Variants in NUMB observed in about 807,000 individuals in gnomAD.
The protein encoded by NUMB is NUMB endocytic adaptor protein.
NUMB carries 29 observed loss-of-function variants against 59.7 expected under a neutral mutation model. That is an observed-to-expected ratio of 0.49 (90% CI 0.36 to 0.66). NUMB has a LOEUF of 0.66. Among genes scored for constraint, NUMB ranks in the 30% least tolerant of loss-of-function variants. The pLI is 0.00. For missense variants in NUMB, 723 were observed against 822.0 expected (o/e 0.88, Z 1.47); for synonymous variants, 288 against 288.2 (o/e 1.00, Z 0.01).
At chr14:73,292,649 G>A in intron 8 of NUMB, 85 bp downstream of exon 8, 2 of 1,396,128 alleles carry the variant, frequency 1.4e-6, no homozygotes, top group Non-Finnish European at 2.0e-6. Flanking sequence ...TAAAAATGTA[G>A]TAGAAACCGC....
At chr14:73,324,388 T>G (rs1355181713) in intron 4 of NUMB, among the ~76,000 whole-genome samples, 1 of 152,180 alleles carries the variant, frequency 6.6e-6, no homozygotes, top group Non-Finnish European at 1.5e-5. Context: ...GAGACTCTTA[T>G]GTACAAACAC....
chr14:73,434,571 G>C (rs1260175363), intron 1 of NUMB, among the ~76,000 whole-genome samples: 1 of 152,084 alleles, frequency 6.6e-6, no homozygotes, highest in African/African-American at 2.4e-5. Context: ...ATCAAATTCA[G>C]AAAGTACCTC....
intron 8 of NUMB, 75 bp downstream of exon 8, chr14:73,292,659 C>T: frequency 6.7e-7 from 1 of 1,502,626 alleles, no homozygotes. Context: ...GTAGAAACCG[C>T]TTGGCTGAGC....
At chr14:73,414,886 A>AT (rs1194158806) in intron 1 of NUMB, among the ~76,000 whole-genome samples, 4 of 151,882 alleles carry the variant, frequency 2.6e-5, no homozygotes, top group Non-Finnish European at 5.9e-5. Flanking sequence ...CGCCCAGCTA[A>AT]TTTTTTTGTA....
At chr14:73,379,952 T>A (rs1895149517) in intron 2 of NUMB, among the ~76,000 whole-genome samples, 1 of 152,208 alleles carries the variant, frequency 6.6e-6, no homozygotes, top group Non-Finnish European at 1.5e-5. Context: ...GATTTATGTT[T>A]TTTAAGAATC....
At chr14:73,448,334 T>C (rs1883682706) in intron 1 of NUMB, among the ~76,000 whole-genome samples, 1 of 152,194 alleles carries the variant, frequency 6.6e-6, no homozygotes, top group Admixed American at 6.5e-5. Context: ...AGACAATAAA[T>C]AATATAGCTT....
chr14:73,431,610 A>G (rs1167990894), intron 1 of NUMB, among the ~76,000 whole-genome samples: 2 of 149,550 alleles, frequency 1.3e-5, no homozygotes, highest in Admixed American at 1.3e-4. Context: ...TTAGGCGGGC[A>G]TGGTGGCATG....
chr14:73,279,959 C>T (rs1283155395), intron 11 of NUMB, among the ~76,000 whole-genome samples: 1 of 152,178 alleles, frequency 6.6e-6, no homozygotes, highest in East Asian at 1.9e-4. Context: ...GAGTTCGAGA[C>T]CAGCCTGGCC....
At chr14:73,321,186 A>G (rs1891383735) in intron 5 of NUMB, among the ~76,000 whole-genome samples, 1 of 152,198 alleles carries the variant, frequency 6.6e-6, no homozygotes, top group South Asian at 2.1e-4. Context: ...CAGAGTGCAC[A>G]TGAAGTCATA....
At chr14:73,343,572 T>A (rs1394337708) in intron 4 of NUMB, among the ~76,000 whole-genome samples, 1 of 152,214 alleles carries the variant, frequency 6.6e-6, no homozygotes, top group Non-Finnish European at 1.5e-5. Context: ...CTTGGGCATT[T>A]TATTCTAATC....
chr14:73,411,936 T>C (rs1896912667), intron 1 of NUMB, among the ~76,000 whole-genome samples: 2 of 149,640 alleles, frequency 1.3e-5, no homozygotes, highest in African/African-American at 4.9e-5. Context: ...TTTTTTTTTT[T>C]TTTTTTGAGA....
chr14:73,329,124 TC>T (rs1891818531), intron 4 of NUMB, among the ~76,000 whole-genome samples: 2 of 152,224 alleles, frequency 1.3e-5, no homozygotes, highest in South Asian at 4.1e-4. Context: ...CGCCTCGGCC[TC>T]CCAAAGTGCT....
At chr14:73,282,106 C>T (rs748724176) in intron 11 of NUMB, 1 of 403,550 alleles carries the variant, frequency 2.5e-6, no homozygotes, top group Non-Finnish European at 4.5e-6. Context: ...TAGGTTGGGA[C>T]TACAGAAATT....
intron 6 of NUMB, among the ~76,000 whole-genome samples, chr14:73,311,757 G>A (rs927666548): frequency 6.6e-6 from 1 of 152,086 alleles, no homozygotes; most frequent in Non-Finnish European, 1.5e-5. Context: ...AATTTATGAG[G>A]AACTGTACTG....
chr14:73,380,123 G>A (rs573340528), intron 2 of NUMB, among the ~76,000 whole-genome samples: 16 of 152,270 alleles, frequency 1.1e-4, no homozygotes, highest in African/African-American at 3.4e-4. Flanking sequence ...CCAGCTCCAG[G>A]AGAAACCGCA....
rs549364703 is a variant in NUMB at position 73,276,360 on chromosome 14, T to A, written c.*218A>T. Reference sequence around the variant, plus strand: ...TACAGAAAGCAACATTTCCTTGACTTCTTTAGCCTAATTGCAAGGCAGCTT... The same window carrying A: ...TACAGAAAGCAACATTTCCTTGACTACTTTAGCCTAATTGCAAGGCAGCTT... On this transcript the variant is annotated 3_prime_UTR_variant, in exon 13 of 13. Coordinates refer to ENST00000555238, the MANE Select transcript of NUMB (RefSeq NM_001005743.2). 8.9e-5 allele frequency: 46 copies of A among 515,838 alleles called. 1 individual carries two copies. The South Asian group carries it at 1.1e-3, about 13-fold the overall frequency. The allele number at this position is 515,838 out of a possible 1,614,324, so 32.0% of individuals were successfully genotyped here.
intron 1 of NUMB, among the ~76,000 whole-genome samples, chr14:73,429,114 G>A (rs888238114): frequency 6.6e-6 from 1 of 152,224 alleles, no homozygotes; most frequent in South Asian, 2.1e-4. Context: ...GCTCACGCCT[G>A]TAATCCCAGC....
At chr14:73,284,395 G>C in intron 9 of NUMB, 21 bp from the exon 10 acceptor site, 1 of 1,598,570 alleles carries the variant, frequency 6.3e-7, no homozygotes, top group East Asian at 2.2e-5. Context: ...TAAAGAGAAT[G>C]AAGACCTTAG....
chr14:73,417,566 G>A (rs1382960285), intron 1 of NUMB, among the ~76,000 whole-genome samples: 1 of 151,284 alleles, frequency 6.6e-6, no homozygotes, highest in Non-Finnish European at 1.5e-5. Context: ...AAAAAAAAAG[G>A]TATGTATTGA....
Sources: gnomAD v4.1 joint callset for allele counts (sites outside exome capture counted in the v4.1 genomes callset) on GRCh38, gnomAD v4.1.1 for gene constraint, MANE v1.5 for transcripts, NCBI Gene and HGNC (gene_info 2026-07-23, HGNC 2026-07-21) for gene names.